The following FILIP1L variants were observed in gnomAD, a reference collection of about 807,000 sequenced individuals.
FILIP1L encodes the protein filamin A interacting protein 1 like, also known as filamin A-interacting protein 1-like.
Under a neutral mutation model 96.6 loss-of-function variants are expected in FILIP1L, and 55 were observed. The observed-to-expected ratio is 0.57, with a 90% CI of 0.46 to 0.71. The LOEUF is 0.71. Among genes scored for constraint, FILIP1L ranks in the 30% least tolerant of loss-of-function variants. The pLI, the probability that FILIP1L is intolerant of heterozygous loss-of-function variation, is 0.00. For synonymous variants in FILIP1L, 467 were observed against 473.9 expected, an observed-to-expected ratio of 0.99 and a Z score of 0.19; for missense variants, 1,304 against 1,321.2, an observed-to-expected ratio of 0.99 and a Z score of 0.20.
rs1392685507 is a variant in FILIP1L at position 100,037,959 on chromosome 3, G to GA, written c.-11+76093_-11+76094insT. On this transcript the variant is annotated intron_variant, in intron 1 of 5. Transcript: ENST00000477258. The stretch of plus-strand genomic sequence containing the variant: ...CTTTTCTTTTTTTTTTTTTTTTTGG[G>GA]GGGGGAGGGAACAGAGTCTCAAATC... Among the ~76,000 whole-genome samples the GA allele has an allele frequency of 6.4e-3, 589 of 92,410 alleles. 1 individual carries two copies. Among genetic ancestry groups the GA allele is most frequent in the Non-Finnish European group, 8.2e-3 (358 of 43,882 alleles). The allele number at this position is 92,410 out of a possible 152,430, so 60.6% of individuals were successfully genotyped here.
intron 4 of FILIP1L, among the ~76,000 whole-genome samples, chr3:99,915,376 G>A (rs528625901): frequency 4.8e-4 from 73 of 152,228 alleles, no homozygotes; most frequent in African/African-American, 1.5e-3. Flanking sequence ...AAGTAAGCCC[G>A]CTTACCTTAG....
intron 4 of FILIP1L, among the ~76,000 whole-genome samples, chr3:99,890,101 T>G (rs1706036944): frequency 6.6e-6 from 1 of 152,128 alleles, no homozygotes; most frequent in African/African-American, 2.4e-5. Flanking sequence ...TTTATTTGAA[T>G]CTGTCTTTAT....
chr3:99,871,278 G>T (rs1393208081), intron 4 of FILIP1L, among the ~76,000 whole-genome samples: 1 of 152,072 alleles, frequency 6.6e-6, no homozygotes, highest in Non-Finnish European at 1.5e-5. Context: ...TAGAAGAAGG[G>T]GCCCTCCACA....
intron 1 of FILIP1L, among the ~76,000 whole-genome samples, chr3:100,063,222 C>T (rs755076502): frequency 1.3e-5 from 2 of 152,176 alleles, no homozygotes; most frequent in Non-Finnish European, 2.9e-5. Flanking sequence ...ACCTCTGGCT[C>T]ACTTGTTCCC....
At position 99,849,262 on chromosome 3, in the gene FILIP1L, A is replaced by C; in HGVS notation, c.2414T>G (p.Val805Gly). Residue 805 changes from valine (V) to glycine (G), a missense_variant, in exon 5 of 6, where the codon GTA becomes GGA. Coordinates refer to ENST00000477258, the MANE Select transcript of FILIP1L (RefSeq NM_001387850.1). The part of the protein sequence containing the change: ...VFSKEVQTEA[V>G]DNEPPDYKSL... ...CTTGTAATCAGGTGGTTCATTGTCT[A>C]CTGCTTCTGTCTGAACTTCTTTAGA... 7 of 1,614,110 alleles carry C rather than the reference A, an allele frequency of 4.3e-6. No homozygotes were observed. Among genetic ancestry groups the C allele is most frequent in the Non-Finnish European group, 3.4e-6 (4 of 1,180,012 alleles).
At chr3:100,065,142 C>T (rs1221686416) in intron 1 of FILIP1L, among the ~76,000 whole-genome samples, 2 of 152,118 alleles carry the variant, frequency 1.3e-5, no homozygotes, top group Non-Finnish European at 2.9e-5. Flanking sequence ...ATACACTGGG[C>T]AGTCTACTTA....
intron 1 of FILIP1L, among the ~76,000 whole-genome samples, chr3:100,035,510 G>A (rs1054205453): frequency 1.3e-5 from 2 of 152,004 alleles, no homozygotes; most frequent in African/African-American, 2.4e-5. Context: ...TGATCCACCC[G>A]CCTCAGCCTC....
rs79652547 is a variant in FILIP1L at position 100,090,682 on chromosome 3, A to G, written c.-11+23371T>C. ...CCTTTGACCCTGAGTCACTCCTATC[A>G]TGAAATAAGGCTGTATTTAATTAGG... On this transcript the variant is annotated intron_variant, in intron 1 of 5. Transcript: ENST00000477258. Among the ~76,000 whole-genome samples, 417 of 152,224 alleles carry G rather than the reference A, an allele frequency of 2.7e-3. 2 individuals carry two copies. Among genetic ancestry groups the G allele is most frequent in the African/African-American group, 9.6e-3 (397 of 41,538 alleles).
At chr3:99,880,282 A>T (rs1285922406) in intron 4 of FILIP1L, among the ~76,000 whole-genome samples, 1 of 152,188 alleles carries the variant, frequency 6.6e-6, no homozygotes, top group African/African-American at 2.4e-5. Flanking sequence ...GGCTCTGTAC[A>T]TGTAGATACC....
chr3:99,884,021 C>G (rs1215384254), intron 4 of FILIP1L, among the ~76,000 whole-genome samples: 1 of 152,142 alleles, frequency 6.6e-6, no homozygotes, highest in Non-Finnish European at 1.5e-5. Context: ...GTACTTCTCT[C>G]ATCTGCTATT....
chr3:99,899,672 T>A (rs542371573), intron 4 of FILIP1L, among the ~76,000 whole-genome samples: 15 of 152,342 alleles, frequency 9.8e-5, no homozygotes, highest in African/African-American at 3.4e-4. Context: ...TTATGATAGA[T>A]GCTTTGGACT....
At chr3:99,881,623 C>T (rs963143958) in intron 4 of FILIP1L, among the ~76,000 whole-genome samples, 3 of 151,902 alleles carry the variant, frequency 2.0e-5, no homozygotes, top group Non-Finnish European at 4.4e-5. Flanking sequence ...ACCTCCGACT[C>T]CTGGGTTCAG....
intron 1 of FILIP1L, among the ~76,000 whole-genome samples, chr3:100,071,090 CTTTTT>C (rs61563009): frequency 1.6e-3 from 112 of 70,580 alleles, no homozygotes; most frequent in East Asian, 4.4e-3. Flanking sequence ...GCTACTCTCT[CTTTTT>C]TTTTTTTTTT....
chr3:99,864,617 T>G (rs988119887), intron 4 of FILIP1L, among the ~76,000 whole-genome samples: 1 of 152,122 alleles, frequency 6.6e-6, no homozygotes, highest in Non-Finnish European at 1.5e-5. Flanking sequence ...ATACCATGTT[T>G]TTGGTGTTCA....
rs941904599 is a variant in FILIP1L, at chr3:99,873,707, T to G, written c.606-22637A>C. On this transcript the variant is annotated intron_variant, in intron 4 of 5. Transcript: ENST00000477258. ...ACAGCAGAGAACCCTTAAACAAAAT[T>G]TACAGCCTTTTGAGAAGGCAAATTA... is the stretch of plus-strand genomic sequence containing the variant. 2.6e-5 allele frequency among the ~76,000 whole-genome samples: 4 copies of G among 152,160 alleles called. No individual in the cohort carries two copies. In the East Asian group the frequency reaches 7.7e-4, roughly 29 times the overall value.
chr3:100,104,651 C>A (rs140945117), intron 1 of FILIP1L, among the ~76,000 whole-genome samples: 3 of 152,116 alleles, frequency 2.0e-5, no homozygotes, highest in African/African-American at 7.2e-5. Context: ...GCTTGAGGGC[C>A]TTTTCCTGTT....
chr3:99,872,269 C>CTCTGTG (rs1457646701), intron 4 of FILIP1L, among the ~76,000 whole-genome samples: 1 of 110,740 alleles, frequency 9.0e-6, no homozygotes, highest in African/African-American at 3.4e-5. Flanking sequence ...TGTGCCAGGA[C>CTCTGTG]TGTGTGTGTG....
intron 1 of FILIP1L, among the ~76,000 whole-genome samples, chr3:100,064,601 GC>G (rs555241953): frequency 3.3e-5 from 5 of 152,140 alleles, no homozygotes; most frequent in Non-Finnish European, 5.9e-5. Context: ...AGGATAGAAG[GC>G]CCTGGAGCAG....
At chr3:99,834,596 C>G (rs1216758972) in intron 5 of FILIP1L, among the ~76,000 whole-genome samples, 2 of 152,230 alleles carry the variant, frequency 1.3e-5, no homozygotes, top group African/African-American at 2.4e-5. Context: ...TTGTCTTCCT[C>G]ATTTGTTCTC....
Sources: gnomAD v4.1 joint callset for allele counts (sites outside exome capture counted in the v4.1 genomes callset) on GRCh38, gnomAD v4.1.1 for gene constraint, MANE v1.5 for transcripts, NCBI Gene and HGNC (gene_info 2026-07-23, HGNC 2026-07-21) for gene names.